DST: variants seen among roughly 807,000 people sequenced by gnomAD.
The protein encoded by DST is bullous pemphigoid antigen.
In DST, 253 loss-of-function variants were observed where a neutral mutation model predicts 875.2. That is an observed-to-expected ratio of 0.29 (90% CI 0.26 to 0.32). DST has a LOEUF of 0.32. Among genes scored for constraint, DST ranks in the 10% least tolerant of loss-of-function variants. DST has a pLI of 1.00. For missense variants in DST, 8,287 were observed against 9,111.6 expected (o/e 0.91, Z 3.68); for synonymous variants, 3,124 against 3,197.1 (o/e 0.98, Z 0.77).
intron 10 of DST, among the ~76,000 whole-genome samples, chr6:56,668,788 T>A (rs2099084996): frequency 1.3e-5 from 2 of 151,310 alleles, no homozygotes; most frequent in African/African-American, 2.4e-5. Flanking sequence ...ATTAATTAAT[T>A]AAATAAAATA....
At chr6:56,465,908 A>ATGG (rs898513461) in intron 99 of DST, among the ~76,000 whole-genome samples, 170 bp downstream of exon 99, 4 of 151,788 alleles carry the variant, frequency 2.6e-5, no homozygotes, top group Admixed American at 6.6e-5. Context: ...TGAGAAGAAT[A>ATGG]TGGTTTACAT....
chr6:56,629,555 A>G, intron 31 of DST, 112 bp from the exon 32 acceptor site: 1 of 826,828 alleles, frequency 1.2e-6, no homozygotes. Flanking sequence ...AAAATAAGAT[A>G]AAGGAAAGAA....
chr6:56,698,128 T>C (rs758116003), intron 9 of DST, among the ~76,000 whole-genome samples: 3 of 152,060 alleles, frequency 2.0e-5, no homozygotes, highest in Non-Finnish European at 4.4e-5. Flanking sequence ...ACCTTTTCCT[T>C]TGATTACCTG....
chr6:56,692,777 T>C (rs1243802683), intron 9 of DST: 3 of 1,289,856 alleles, frequency 2.3e-6, no homozygotes, highest in Non-Finnish European at 2.0e-6. Flanking sequence ...GCAGGAGAAG[T>C]GTTCACACAG....
intron 36 of DST, among the ~76,000 whole-genome samples, chr6:56,622,288 C>T (rs1378427985): frequency 6.6e-6 from 1 of 152,068 alleles, no homozygotes; most frequent in East Asian, 1.9e-4. Flanking sequence ...TTAAGAATCT[C>T]GGCTGGGCAC....
At chr6:56,610,877 G>T (rs147051932) in intron 38 of DST, among the ~76,000 whole-genome samples, 126 of 152,156 alleles carry the variant, frequency 8.3e-4, no homozygotes, top group African/African-American at 2.8e-3. Context: ...ATCCCAACAT[G>T]GAAAAGGGAC....
Position 56,606,986 on chromosome 6 carries a change from T to C in DST, c.7642A>G (p.Lys2548Glu). ...TCTTCTATTTCAGACTCATCTTCCT[T>C]GTCTTCAGGCATCTGCTGAAAACCT... ...HPGFQQMPEDKEDESEIEEYS... is the reference protein window; with the variant it reads ...HPGFQQMPEDEEDESEIEEYS... Residue 2548 changes from lysine to glutamate, a missense_variant, in exon 40 of 104, where the codon AAG (lysine) becomes GAG (glutamate). Around this residue, in one of 10 missense-constraint regions of DST, gnomAD observed 3,138 missense variants for 3,116.6 expected, o/e 1.01. Transcript: ENST00000680361. 6.2e-7 allele frequency: 1 copy of C among 1,613,526 alleles called. No homozygotes were observed. Among genetic ancestry groups the C allele is most frequent in the Non-Finnish European group, 8.5e-7 (1 of 1,179,626 alleles).
intron 4 of DST, among the ~76,000 whole-genome samples, chr6:56,796,223 T>A (rs1359274117): frequency 1.3e-5 from 2 of 152,134 alleles, no homozygotes; most frequent in African/African-American, 4.8e-5. Context: ...GATAAATACA[T>A]AGAAAACTAA....
In DST at chr6:56,628,133, A is replaced by G. The variant is rs2098749135; in HGVS notation, c.4504T>C (p.Ser1502Pro). The G allele has an allele frequency of 6.2e-7, 1 of 1,613,882 alleles. No individual in the cohort carries two copies. Among genetic ancestry groups the G allele is most frequent in the Non-Finnish European group, 8.5e-7 (1 of 1,179,776 alleles). ...TAAGTGTCTCTGTAGTACTTCAGTG[A>G]TTTGCCAATGCCCTCTAAGTCCCGT... ...RLRDLEGIGKSLKYYRDTYHP... is the reference protein window; with the variant it reads ...RLRDLEGIGKPLKYYRDTYHP... The change falls in exon 33 of 104, where the codon TCA (serine) becomes CCA (proline). Residue 1502 changes from serine (S) to proline (P), a missense_variant. Coordinates refer to ENST00000680361, the MANE Select transcript of DST (RefSeq NM_001374736.1).
rs572537335 is a variant in DST at position 56,565,966 on chromosome 6, C to T, written c.14005+2503G>A. ...GAGCTGCGGTGGGCTCTGCCCAGTT[C>T]GAACTTCCCTGGCAGTTTGTTTACA... On this transcript the variant is annotated intron_variant, in intron 55 of 103. Transcript: ENST00000680361. Among the ~76,000 whole-genome samples, 21 of 152,308 alleles carry T rather than the reference C, an allele frequency of 1.4e-4. No homozygotes were observed. The East Asian group carries it at 1.5e-3, about 11-fold the overall frequency.
rs2152734459 is a variant in DST, at chr6:56,618,426, T to G, written c.4930-3942A>C. On this transcript the variant is annotated intron_variant, in intron 36 of 103. Coordinates refer to ENST00000680361, the MANE Select transcript of DST (RefSeq NM_001374736.1). ...AAGGTACAGTCTTTGGCTGTGCTCT[T>G]TTTTTGAATTTCACACTGGAGCAAA... 1.2e-6 allele frequency: 2 copies of G among 1,614,216 alleles called. No individual in the cohort carries two copies. The highest frequency in any genetic ancestry group is 1.7e-6 in the Non-Finnish European group (2 of 1,180,022).
rs2095805993 is a variant in DST at position 56,493,184 on chromosome 6, C to T, written c.20395-95G>A. 5 of 1,114,444 alleles carry T rather than the reference C, an allele frequency of 4.5e-6. No homozygotes were observed. In the South Asian group the frequency reaches 9.7e-5, roughly 22 times the overall value. The allele number at this position is 1,114,444 out of a possible 1,614,324, so 69.0% of individuals were successfully genotyped here. Reference sequence around the variant, plus strand: ...ATTCTCTGGCAGATTCCTTTCCTATCCCCACTTTATTTATGCATATCTATT... The same window carrying T: ...ATTCTCTGGCAGATTCCTTTCCTATTCCCACTTTATTTATGCATATCTATT... On this transcript the variant is annotated intron_variant, in intron 83 of 103. Coordinates refer to ENST00000680361, the MANE Select transcript of DST (RefSeq NM_001374736.1).
In DST at chr6:56,556,289, C is replaced by G. The variant is rs995385368; in HGVS notation, c.14641-449G>C. ...TATTAACTCATGATGCATTGAGTTG[C>G]AAAGGTTTTTGTAACATAAAATTTA... On this transcript the variant is annotated intron_variant, in intron 59 of 103. Coordinates refer to ENST00000680361, the MANE Select transcript of DST (RefSeq NM_001374736.1). Among the ~76,000 whole-genome samples the G allele has an allele frequency of 2.0e-5, 3 of 152,034 alleles. No homozygotes were observed. The East Asian group carries it at 5.8e-4, about 29-fold the overall frequency.
chr6:56,620,310 A>C (rs2230861), intron 36 of DST: 3 of 1,614,070 alleles, frequency 1.9e-6, no homozygotes, highest in Non-Finnish European at 2.5e-6. Context: ...TTTTCCTCCA[A>C]CTGATTGCGA....
At chr6:56,628,225 T>A in intron 32 of DST, 64 bp from the exon 33 acceptor site, 1 of 1,429,344 alleles carries the variant, frequency 7.0e-7, no homozygotes, top group Non-Finnish European at 9.8e-7. Context: ...GTGGAAGATG[T>A]AGAGATGGGA....
In DST at chr6:56,497,494, T is replaced by C. The variant is rs1562372861; in HGVS notation, c.20108A>G (p.His6703Arg). 1 of 1,612,898 alleles carries C rather than the reference T, an allele frequency of 6.2e-7. No homozygotes were observed. Among genetic ancestry groups the C allele is most frequent in the East Asian group, 2.2e-5 (1 of 44,856 alleles). Reference protein sequence around the residue: ...DGALRQAKGFHGEIEDLQQWL... With the variant: ...DGALRQAKGFRGEIEDLQQWL... Reference sequence around the variant, plus strand: ...CTGCTGCAAATCCTCAATTTCGCCATGGAACCCTTTGGCCTGAAGTAATAG... The same window carrying C: ...CTGCTGCAAATCCTCAATTTCGCCACGGAACCCTTTGGCCTGAAGTAATAG... Residue 6703 changes from histidine (H) to arginine (R), a missense_variant, in exon 82 of 104, where the codon CAT (histidine) becomes CGT (arginine). His to Arg is a conservative substitution (Grantham distance 29). Transcript: ENST00000680361.
At chr6:56,639,672 GA>G (rs757921338) in intron 20 of DST, 23 bp downstream of exon 20, 26 of 1,612,346 alleles carry the variant, frequency 1.6e-5, no homozygotes, top group Non-Finnish European at 2.1e-5. Context: ...AAGGGAAACA[GA>G]AGGTTTAAAA....
chr6:56,665,505 G>C (rs2099067759), intron 10 of DST, among the ~76,000 whole-genome samples: 1 of 151,796 alleles, frequency 6.6e-6, no homozygotes, highest in African/African-American at 2.4e-5. Context: ...TTTAAATCTA[G>C]TTTGCCTAAA....
At chr6:56,923,730 T>C (rs1206333893) in intron 2 of DST, among the ~76,000 whole-genome samples, 2 of 152,318 alleles carry the variant, frequency 1.3e-5, no homozygotes, top group African/African-American at 2.4e-5. Flanking sequence ...TCAGTCTTTT[T>C]GTTTTATTAA....
Sources: allele counts gnomAD v4.1 joint callset (sites outside exome capture counted in the v4.1 genomes callset), GRCh38; gene constraint gnomAD v4.1.1; regional missense constraint gnomAD v4.1.1; transcripts MANE v1.5; gene names NCBI Gene and HGNC (gene_info 2026-07-23, HGNC 2026-07-21).